CSPP1: variants seen among roughly 807,000 people sequenced by gnomAD.
CSPP1 encodes the protein centrosome and spindle pole-associated protein 1.
In CSPP1, 126 loss-of-function variants were observed where a neutral mutation model predicts 164.4. That is an observed-to-expected ratio of 0.77 (90% confidence interval 0.66 to 0.89). CSPP1 has a LOEUF of 0.89. Ranked by LOEUF, CSPP1 falls within the 40% of genes least tolerant of loss-of-function variation. The pLI is 0.00. For synonymous variants in CSPP1, 472 were observed against 476.7 expected (o/e 0.99, Z 0.13); for missense variants, 1,395 against 1,449.8 (o/e 0.96, Z 0.61).
intron 15 of CSPP1, among the ~76,000 whole-genome samples, chr8:67,122,272 C>A (rs1007073979): frequency 6.6e-6 from 1 of 151,160 alleles, no homozygotes; most frequent in Admixed American, 6.6e-5. Context: ...CTTCTGCTTA[C>A]TTTGGGTTCC....
rs1025404529 is a variant in CSPP1, at chr8:67,176,649, C to T, written c.3110-1031C>T. On this transcript the variant is annotated intron_variant, in intron 26 of 30. Coordinates refer to ENST00000678616, the MANE Select transcript of CSPP1 (RefSeq NM_001382391.1). ...ATCTGATCTTGTGGGATTTTGGCAG[C>T]TTAGACTGATTAGCCCACAAGTAGT... Among the ~76,000 whole-genome samples the T allele has an allele frequency of 5.3e-5, 8 of 152,194 alleles. No homozygotes were observed. The East Asian group carries it at 7.7e-4, about 15-fold the overall frequency.
In CSPP1 at chr8:67,195,935, C is replaced by T. The variant is rs1837854575; in HGVS notation, c.*342C>T. ...AAACGTCCTGTAAAACCGGACTCCC[C>T]TTTGTTACATGCACATTTTCCATTG... On this transcript the variant is annotated 3_prime_UTR_variant, in exon 31 of 31. Transcript: ENST00000678616. 5.2e-6 allele frequency: 1 copy of T among 193,780 alleles called. No homozygotes were observed. The highest frequency in any genetic ancestry group is 1.1e-5 in the Non-Finnish European group (1 of 93,310). The allele number at this position is 193,780 out of a possible 1,614,324, so 12.0% of individuals were successfully genotyped here.
At position 67,089,719 on chromosome 8, in the gene CSPP1, T is replaced by TTGAA. The variant is rs533620799; in HGVS notation, c.304-2064_304-2061dup. Among the ~76,000 whole-genome samples the TTGAA allele has an allele frequency of 8.7e-4, 132 of 152,316 alleles. No individual in the cohort carries two copies. In the East Asian group the frequency reaches 0.022, roughly 26 times the overall value. On this transcript the variant is annotated intron_variant, in intron 4 of 30. Coordinates refer to ENST00000678616, the MANE Select transcript of CSPP1 (RefSeq NM_001382391.1). ...GCACATGGTAGGCACTCAGTATTTA[T>TTGAA]TGAATGAATGAATGAATGAATGATT...
chr8:67,108,795 G>T (rs1816205460), intron 9 of CSPP1, among the ~76,000 whole-genome samples: 1 of 152,188 alleles, frequency 6.6e-6, no homozygotes, highest in African/African-American at 2.4e-5. Context: ...TTTTGCATCA[G>T]ATTTTTCACC....
chr8:67,070,698 T>C (rs985088303), intron 1 of CSPP1, among the ~76,000 whole-genome samples: 2 of 150,340 alleles, frequency 1.3e-5, no homozygotes, highest in South Asian at 2.1e-4. Flanking sequence ...ATTTGAAGTA[T>C]ATTTTGCTAA....
At chr8:67,184,009 C>T (rs1462425821) in intron 28 of CSPP1, among the ~76,000 whole-genome samples, 3 of 151,954 alleles carry the variant, frequency 2.0e-5, no homozygotes, top group Non-Finnish European at 2.9e-5. Flanking sequence ...CCTGCCACCA[C>T]GCCTGGCTAA....
chr8:67,193,625 C>CTA, intron 30 of CSPP1, 23 bp downstream of exon 30: 1 of 1,599,712 alleles, frequency 6.3e-7, no homozygotes, highest in African/African-American at 1.3e-5. Flanking sequence ...GTGTAATGGC[C>CTA]TATAGTAGAA....
At chr8:67,144,904 T>TA (rs771851246) in intron 17 of CSPP1, among the ~76,000 whole-genome samples, 3,113 of 125,808 alleles carry the variant, frequency 0.025, 59 homozygotes, top group African/African-American at 0.054. Context: ...CTATCTCTAC[T>TA]AAAAAAAAAA....
intron 4 of CSPP1, chr8:67,086,327 T>A: frequency 1.7e-6 from 1 of 584,692 alleles, no homozygotes; most frequent in Non-Finnish European, 3.1e-6. Flanking sequence ...TTTGACCTTT[T>A]GACTAAGGCA....
chr8:67,074,380 T>A (rs1807460507), intron 2 of CSPP1, 29 bp downstream of exon 2: 1 of 1,374,596 alleles, frequency 7.3e-7, no homozygotes, highest in South Asian at 1.2e-5. Context: ...TTTGAACATG[T>A]TTTATTATAA....
At chr8:67,101,886 T>C (rs1382901899) in intron 7 of CSPP1, among the ~76,000 whole-genome samples, 1 of 152,148 alleles carries the variant, frequency 6.6e-6, no homozygotes, top group Non-Finnish European at 1.5e-5. Flanking sequence ...AAAGACAATA[T>C]AGTTGGGTAA....
At chr8:67,133,752 C>T (rs1381030867) in intron 16 of CSPP1, 1 of 152,190 alleles carries the variant, frequency 6.6e-6, no homozygotes, top group Admixed American at 6.6e-5. Context: ...CACAGTAGAC[C>T]TTCTTTCAAA....
intron 24 of CSPP1, among the ~76,000 whole-genome samples, chr8:67,169,891 G>T (rs1388221818): frequency 6.6e-6 from 1 of 152,090 alleles, no homozygotes; most frequent in Non-Finnish European, 1.5e-5. Flanking sequence ...GGGACTACAG[G>T]TGCAGGCTAC....
chr8:67,132,324 C>T (rs558750795), intron 16 of CSPP1, among the ~76,000 whole-genome samples: 7 of 152,228 alleles, frequency 4.6e-5, no homozygotes, highest in African/African-American at 1.4e-4. Flanking sequence ...GCAATGACTA[C>T]GTTACAAGTT....
chr8:67,091,910 G>C, intron 5 of CSPP1, 27 bp downstream of exon 5: 3 of 1,040,138 alleles, frequency 2.9e-6, no homozygotes, highest in Non-Finnish European at 3.9e-6. Context: ...AGTTATTGTG[G>C]GTACCAGTTT....
chr8:67,104,203 A>T (rs191039615), intron 8 of CSPP1, among the ~76,000 whole-genome samples: 125 of 152,022 alleles, frequency 8.2e-4, no homozygotes, highest in Middle Eastern at 6.8e-3. Context: ...GTTTTGTTCT[A>T]ATTGATTAAG....
At chr8:67,168,221 G>A (rs1028649578) in intron 24 of CSPP1, among the ~76,000 whole-genome samples, 5 of 151,866 alleles carry the variant, frequency 3.3e-5, no homozygotes, top group African/African-American at 9.7e-5. Flanking sequence ...CAGGCAGGGA[G>A]GTTGCAGTGA....
At chr8:67,124,579 C>A (rs974659855) in intron 15 of CSPP1, among the ~76,000 whole-genome samples, 2 of 152,124 alleles carry the variant, frequency 1.3e-5, no homozygotes, top group African/African-American at 4.8e-5. Context: ...TGGCTCACTG[C>A]AAGCTTGAAC....
chr8:67,064,700 T>A (rs1206301237), intron 1 of CSPP1, 162 bp downstream of exon 1: 1 of 21,702 alleles, frequency 4.6e-5, no homozygotes. Flanking sequence ...GGGGTGGGGG[T>A]GGGGTTTCTT....
Sources: gnomAD v4.1 joint callset for allele counts (sites outside exome capture counted in the v4.1 genomes callset) on GRCh38, gnomAD v4.1.1 for gene constraint, MANE v1.5 for transcripts, NCBI Gene and HGNC (gene_info 2026-07-23, HGNC 2026-07-21) for gene names.